Variants in HDAC9 observed in about 807,000 individuals in gnomAD.
The protein encoded by HDAC9 is histone deacetylase 9, also known as MEF-2 interacting transcription repressor (MITR) protein.
In HDAC9, 41 loss-of-function variants were observed where a neutral mutation model predicts 139.4. That is an observed-to-expected ratio of 0.29 (90% CI 0.23 to 0.38). HDAC9 has a LOEUF of 0.38. Ranked by LOEUF, HDAC9 falls within the 10% of genes least tolerant of loss-of-function variation. HDAC9 has a pLI of 1.00. For synonymous variants in HDAC9, 517 were observed against 476.2 expected (o/e 1.09, Z -1.12); for missense variants, 1,147 against 1,297.0 (o/e 0.88, Z 1.78).
At chr7:18,516,862 GAAAAAAAAAAAA>G (rs35689821) in intron 2 of HDAC9, among the ~76,000 whole-genome samples, 2 of 55,090 alleles carry the variant, frequency 3.6e-5, no homozygotes, top group African/African-American at 1.3e-4. Flanking sequence ...CTCCATTTCA[GAAAAAAAAAAAA>G]AAAAAAAAAA....
intron 12 of HDAC9, among the ~76,000 whole-genome samples, chr7:18,704,506 A>G (rs758522886): frequency 1.3e-4 from 20 of 152,230 alleles, no homozygotes; most frequent in Admixed American, 2.6e-4. Flanking sequence ...AGTGACTGAC[A>G]TCTTCCCTTT....
intron 2 of HDAC9, among the ~76,000 whole-genome samples, chr7:18,187,859 G>A (rs552584527): frequency 6.6e-6 from 1 of 152,146 alleles, no homozygotes; most frequent in African/African-American, 2.4e-5. Context: ...GCCTTCTTCA[G>A]TGTGCTTCTT....
intron 1 of HDAC9, among the ~76,000 whole-genome samples, chr7:18,347,646 C>T (rs1452466688): frequency 6.6e-6 from 1 of 152,042 alleles, no homozygotes; most frequent in African/African-American, 2.4e-5. Flanking sequence ...CAGTCTGTTG[C>T]CCAAGCTGGA....
rs151116208 is a variant in HDAC9, at chr7:18,667,057, C to T, written c.1731+581C>T. 3 of 985,172 alleles carry T rather than the reference C, an allele frequency of 3.0e-6. No individual in the cohort carries two copies. In the Admixed American group the frequency reaches 1.8e-4, roughly 61 times the overall value. The allele number at this position is 985,172 out of a possible 1,614,324, so 61.0% of individuals were successfully genotyped here. On this transcript the variant is annotated intron_variant, in intron 12 of 25. Transcript: ENST00000686413. ...TGTTCTGGTCACCATGCCAGTAGTC[C>T]TAGGTTATTGTGTAGGTTGCAATTG...
At chr7:18,295,619 T>C (rs541774590) in intron 1 of HDAC9, among the ~76,000 whole-genome samples, 1 of 152,254 alleles carries the variant, frequency 6.6e-6, no homozygotes, top group Admixed American at 6.5e-5. Context: ...TGGTCTAAAC[T>C]TACTTCCTTG....
intron 1 of HDAC9, among the ~76,000 whole-genome samples, chr7:18,110,750 C>T (rs574888081): frequency 2.6e-4 from 39 of 152,238 alleles, no homozygotes; most frequent in Middle Eastern, 6.8e-3. Context: ...TGAGGAAAGA[C>T]GGGGGCCAGG....
chr7:18,795,708 TG>T (rs1199759696), intron 17 of HDAC9, among the ~76,000 whole-genome samples: 1 of 152,052 alleles, frequency 6.6e-6, no homozygotes. Flanking sequence ...AGAGATGCCA[TG>T]GGGGAAAAGT....
intron 12 of HDAC9, among the ~76,000 whole-genome samples, chr7:18,716,572 C>A (rs1003562481): frequency 2.0e-5 from 3 of 152,044 alleles, no homozygotes; most frequent in East Asian, 3.9e-4. Context: ...ATGCATAGTG[C>A]AACCAAATTA....
At chr7:18,552,975 T>C (rs112931177) in intron 2 of HDAC9, among the ~76,000 whole-genome samples, 3 of 152,350 alleles carry the variant, frequency 2.0e-5, no homozygotes, top group African/African-American at 7.2e-5. Flanking sequence ...AGCGTGTTAT[T>C]TTCAGGAGTA....
intron 14 of HDAC9, among the ~76,000 whole-genome samples, chr7:18,756,742 C>T (rs1189794132): frequency 1.3e-5 from 2 of 152,178 alleles, no homozygotes; most frequent in Non-Finnish European, 2.9e-5. Context: ...ATTAAGGACA[C>T]GTGGGAGTCA....
intron 16 of HDAC9, among the ~76,000 whole-genome samples, chr7:18,786,792 TTTCTTTCCTTCC>T (rs1382671307): frequency 3.5e-5 from 2 of 57,522 alleles, no homozygotes; most frequent in African/African-American, 8.8e-5. Context: ...TCTTTCTTTC[TTTCTTTCCTTCC>T]TTCCTTCCTT....
intron 21 of HDAC9, among the ~76,000 whole-genome samples, chr7:18,855,646 G>GT (rs1175482258): frequency 6.6e-6 from 1 of 151,924 alleles, no homozygotes; most frequent in Non-Finnish European, 1.5e-5. Context: ...TTAGGCTGTG[G>GT]TTGTTAGCCC....
chr7:18,139,979 A>G (rs1413964694), intron 1 of HDAC9, among the ~76,000 whole-genome samples: 1 of 152,188 alleles, frequency 6.6e-6, no homozygotes, highest in African/African-American at 2.4e-5. Context: ...CTGTGAGAGC[A>G]TACATTCTGT....
intron 1 of HDAC9, among the ~76,000 whole-genome samples, chr7:18,309,203 A>T (rs903113531): frequency 5.9e-5 from 9 of 152,182 alleles, no homozygotes; most frequent in Non-Finnish European, 1.3e-4. Context: ...AGCCCAAGGT[A>T]CACTCGTCCT....
At chr7:18,183,417 T>G (rs1192269572) in intron 2 of HDAC9, among the ~76,000 whole-genome samples, 1 of 152,198 alleles carries the variant, frequency 6.6e-6, no homozygotes, top group Non-Finnish European at 1.5e-5. Flanking sequence ...TACATAATAA[T>G]TACGATGGCT....
At chr7:18,938,447 T>C (rs1486347313) in intron 23 of HDAC9, among the ~76,000 whole-genome samples, 1 of 151,520 alleles carries the variant, frequency 6.6e-6, no homozygotes, top group Non-Finnish European at 1.5e-5. Flanking sequence ...TACAAAAAAT[T>C]AGCGGGGCGT....
chr7:18,271,671 C>T (rs1796364778), intron 2 of HDAC9, among the ~76,000 whole-genome samples: 1 of 152,172 alleles, frequency 6.6e-6, no homozygotes, highest in African/African-American at 2.4e-5. Flanking sequence ...AGCACTTCTT[C>T]AAGATGGGCA....
intron 17 of HDAC9, among the ~76,000 whole-genome samples, chr7:18,798,465 C>G (rs1312028217): frequency 6.6e-6 from 1 of 152,144 alleles, no homozygotes; most frequent in Non-Finnish European, 1.5e-5. Flanking sequence ...CTTCCCCTTT[C>G]TAGGTCCATG....
intron 17 of HDAC9, among the ~76,000 whole-genome samples, chr7:18,814,926 T>A (rs961593484): frequency 6.6e-6 from 1 of 152,216 alleles, no homozygotes; most frequent in African/African-American, 2.4e-5. Flanking sequence ...TTTTGAAATT[T>A]TATAAATCTG....
Sources: gnomAD v4.1 joint callset for allele counts (sites outside exome capture counted in the v4.1 genomes callset) on GRCh38, gnomAD v4.1.1 for gene constraint, MANE v1.5 for transcripts, NCBI Gene and HGNC (gene_info 2026-07-23, HGNC 2026-07-21) for gene names.